SPATA31A1: variants seen among roughly 807,000 people sequenced by gnomAD.
SPATA31A1 encodes spermatogenesis-associated protein 31A1.
For missense variants in SPATA31A1, 579 were observed against 1,476.3 expected (o/e 0.39, Z 9.96); for synonymous variants, 194 against 573.4 (o/e 0.34, Z 9.45).
chr9:39,357,654 A>C, intron 2 of SPATA31A1, 104 bp from the exon 3 acceptor site: 7 of 1,596,118 alleles, frequency 4.4e-6, no homozygotes, highest in Non-Finnish European at 6.0e-6. Context: ...GGTGGGGCCC[A>C]GGGTCTAATT....
In SPATA31A1 at chr9:39,359,221, A is replaced by T. The variant is rs1587773708; in HGVS notation, c.1456A>T (p.Thr486Ser). ...CGAGTGCCAACCCTTTATTTCATCCACACCCCAATTCCGGCCCACACCTAT... is the reference window on the plus strand; with the variant it reads ...CGAGTGCCAACCCTTTATTTCATCCTCACCCCAATTCCGGCCCACACCTAT... ...GPECQPFISS[T>S]PQFRPTPMAQ... Residue 486 changes from threonine to serine, a missense_variant, in exon 4 of 4, where the codon ACA becomes TCA. Coordinates refer to ENST00000377647, the MANE Select transcript of SPATA31A1 (RefSeq NM_001085452.4). The T allele has an allele frequency of 1.2e-6, 2 of 1,611,468 alleles. No individual in the cohort carries two copies. The highest frequency in any genetic ancestry group is 1.7e-6 in the Non-Finnish European group (2 of 1,179,800).
rs1823328686 is a variant in SPATA31A1, at chr9:39,356,442, A to G, written c.189+523A>G. On this transcript the variant is annotated intron_variant, in intron 1 of 3. Transcript: ENST00000377647. ...GTGTTCCTGGAGCAGAGGAACAGGGACTGAAGGTGTCCGTGGTGGACCTCA... is the reference window on the plus strand; with the variant it reads ...GTGTTCCTGGAGCAGAGGAACAGGGGCTGAAGGTGTCCGTGGTGGACCTCA... 7.8e-5 allele frequency among the ~76,000 whole-genome samples: 10 copies of G among 128,270 alleles called. 1 individual carries two copies. In the South Asian group the frequency reaches 2.6e-3, roughly 33 times the overall value. The allele number at this position is 128,270 out of a possible 152,430, so 84.2% of individuals were successfully genotyped here.
rs1201131741 is a variant in SPATA31A1 at position 39,358,648 on chromosome 9, T to C, written c.883T>C (p.Ser295Pro). ...TGCCAGAACCTCGTGCGCCTTTAAC[T>C]CATCAGTCCAGCAAGATCATCTTTC... The part of the protein sequence containing the change: ...ETARTSCAFN[S>P]SVQQDHLSRH... Residue 295 changes from serine to proline, a missense_variant, in exon 4 of 4, where the codon TCA (serine) becomes CCA (proline). Coordinates refer to ENST00000377647, the MANE Select transcript of SPATA31A1 (RefSeq NM_001085452.4). 53 of 1,607,182 alleles carry C rather than the reference T, an allele frequency of 3.3e-5. No individual in the cohort carries two copies. Among genetic ancestry groups the C allele is most frequent in the Non-Finnish European group, 4.3e-5 (51 of 1,179,650 alleles).
In SPATA31A1 at chr9:39,360,998, C is replaced by A. The variant is rs1387323640; in HGVS notation, c.3233C>A (p.Ala1078Asp). The change falls in exon 4 of 4, where the codon GCC becomes GAC. Residue 1078 changes from alanine to aspartate, a missense_variant. Physicochemically the swap from Ala to Asp is moderately radical, Grantham distance 126. Transcript: ENST00000377647. The part of the protein sequence containing the change: ...ASQELHDLMA[A>D]RRSKLVHEEP... ...CAGGAGCTACATGACCTTATGGCAGCCAGAAGGAGCAAACTGGTGCACGAG... is the reference window on the plus strand; with the variant it reads ...CAGGAGCTACATGACCTTATGGCAGACAGAAGGAGCAAACTGGTGCACGAG... 7 of 1,610,440 alleles carry A rather than the reference C, an allele frequency of 4.3e-6. 1 individual carries two copies. The South Asian group carries it at 7.7e-5, about 18-fold the overall frequency.
chr9:39,356,409 G>A (rs1438649686), intron 1 of SPATA31A1, among the ~76,000 whole-genome samples: 5 of 108,642 alleles, frequency 4.6e-5, no homozygotes, highest in African/African-American at 1.9e-4. Context: ...CTGCGGGCCT[G>A]AACTTGGGTG....
At position 39,360,711 on chromosome 9, in the gene SPATA31A1, T is replaced by C; in HGVS notation, c.2946T>C (p.Ala982=). ...GTGAGGATATGCATGGTTTCGAGGC[T>C]CCAGGGACCAGCAAAAGCTCTCTAC... ...ATSEDMHGFE[A]PGTSKSSLHP... is the part of the protein sequence containing the mutation. Residue 982 remains alanine (A), a synonymous_variant, in exon 4 of 4, where the codon GCT becomes GCC. Coordinates refer to ENST00000377647, the MANE Select transcript of SPATA31A1 (RefSeq NM_001085452.4). 1 of 1,612,372 alleles carries C rather than the reference T, an allele frequency of 6.2e-7. No individual in the cohort carries two copies. The highest frequency in any genetic ancestry group is 8.5e-7 in the Non-Finnish European group (1 of 1,179,682).
At position 39,358,487 on chromosome 9, in the gene SPATA31A1, A is replaced by G. The variant is rs1480192996; in HGVS notation, c.722A>G (p.Asp241Gly). 5.7e-6 allele frequency: 9 copies of G among 1,568,192 alleles called. No homozygotes were observed. ...DSTLITPSHC[D>G]SVALPLGTVP... is the part of the protein sequence containing the mutation. ...ACACTGATAACTCCATCTCACTGTG[A>G]CTCAGTGGCACTTCCACTGGGCACC... Residue 241 changes from aspartate to glycine, a missense_variant, in exon 4 of 4, where the codon GAC becomes GGC. Physicochemically the swap from Asp to Gly is moderately conservative, Grantham distance 94. Coordinates refer to ENST00000377647, the MANE Select transcript of SPATA31A1 (RefSeq NM_001085452.4).
Position 39,358,788 on chromosome 9 carries a change from G to A in SPATA31A1, c.1023G>A (p.Trp341Ter). Reference protein sequence around the residue: ...QVTETAKVNIWEEKENVGSFT... With the variant: ...QVTETAKVNI The stretch of plus-strand genomic sequence containing the variant: ...CAGAAACAGCCAAGGTCAACATTTG[G>A]GAAGAAAAAGAAAATGTTGGATCAT... Residue 341 changes from tryptophan (W) to a stop codon, truncating the protein, a stop_gained, in exon 4 of 4, where the codon TGG becomes TGA. Coordinates refer to ENST00000377647, the MANE Select transcript of SPATA31A1 (RefSeq NM_001085452.4). LOFTEE classifies it low-confidence loss of function (END_TRUNC). The A allele has an allele frequency of 6.3e-7, 1 of 1,599,420 alleles. No homozygotes were observed. Among genetic ancestry groups the A allele is most frequent in the South Asian group, 1.1e-5 (1 of 91,012 alleles).
chr9:39,355,936 C>A lies in SPATA31A1; in HGVS notation c.189+17C>A, dbSNP rs1823320802. On this transcript the variant is annotated intron_variant, in intron 1 of 3. Transcript: ENST00000377647. Reference sequence around the variant, plus strand: ...AAGAGAAAGGTAAGGAACCCTCAGTCCCAACCCACAGAGCTTGATTCTCTC... The same window carrying A: ...AAGAGAAAGGTAAGGAACCCTCAGTACCAACCCACAGAGCTTGATTCTCTC... The A allele has an allele frequency of 5.0e-6, 1 of 200,926 alleles. No homozygotes were observed. The highest frequency in any genetic ancestry group is 8.0e-6 in the Non-Finnish European group (1 of 125,038). The allele number at this position is 200,926 out of a possible 1,614,324, so 12.4% of individuals were successfully genotyped here.
At position 39,359,207 on chromosome 9, in the gene SPATA31A1, C is replaced by T; in HGVS notation, c.1442C>T (p.Pro481Leu). ...TCCCATCTGGGGCCCGAGTGCCAAC[C>T]CTTTATTTCATCCACACCCCAATTC... ...PPSHLGPECQ[P>L]FISSTPQFRP... Residue 481 changes from proline (P) to leucine (L), a missense_variant, in exon 4 of 4, where the codon CCC (proline) becomes CTC (leucine). Pro to Leu is a moderately conservative substitution (Grantham distance 98). Transcript: ENST00000377647. 9 of 1,611,766 alleles carry T rather than the reference C, an allele frequency of 5.6e-6. No homozygotes were observed. Among genetic ancestry groups the T allele is most frequent in the South Asian group, 3.3e-5 (3 of 90,972 alleles).
chr9:39,356,538 A>T (rs1256440865), intron 1 of SPATA31A1, among the ~76,000 whole-genome samples: 2 of 131,158 alleles, frequency 1.5e-5, no homozygotes, highest in African/African-American at 2.9e-5. Flanking sequence ...TGTGTGTGTT[A>T]TTTTCATTTT....
chr9:39,360,984 T>A lies in SPATA31A1; in HGVS notation c.3219T>A (p.His1073Gln). The A allele has an allele frequency of 2.5e-6, 4 of 1,610,024 alleles. No homozygotes were observed. The highest frequency in any genetic ancestry group is 3.4e-6 in the Non-Finnish European group (4 of 1,179,566). Reference sequence around the variant, plus strand: ...ACATGCGGGCTTCCCAGGAGCTACATGACCTTATGGCAGCCAGAAGGAGCA... The same window carrying A: ...ACATGCGGGCTTCCCAGGAGCTACAAGACCTTATGGCAGCCAGAAGGAGCA... The part of the protein sequence containing the change: ...AGNMRASQEL[H>Q]DLMAARRSKL... The change falls in exon 4 of 4, where the codon CAT (histidine) becomes CAA (glutamine). Residue 1073 changes from histidine (H) to glutamine (Q), a missense_variant. Coordinates refer to ENST00000377647, the MANE Select transcript of SPATA31A1 (RefSeq NM_001085452.4).
rs1197793299 is a variant in SPATA31A1, at chr9:39,356,595, T to C, written c.190-537T>C. Among the ~76,000 whole-genome samples the C allele has an allele frequency of 1.8e-4, 9 of 50,356 alleles. 1 individual carries two copies. Among genetic ancestry groups the C allele is most frequent in the Admixed American group, 5.0e-4 (2 of 4,002 alleles). The allele number at this position is 50,356 out of a possible 152,430, so 33.0% of individuals were successfully genotyped here. On this transcript the variant is annotated intron_variant, in intron 1 of 3. Transcript: ENST00000377647. ...TTTTATTTTATTTTATTTTATTTTA[T>C]TTTATTTTATTTTTTGAGATGGAGT...
rs1453699021 is a variant in SPATA31A1, at chr9:39,358,842, C to T, written c.1077C>T (p.His359=). 3.1e-6 allele frequency: 5 copies of T among 1,596,198 alleles called. No individual in the cohort carries two copies. Among genetic ancestry groups the T allele is most frequent in the Admixed American group, 1.7e-5 (1 of 59,962 alleles). Residue 359 remains histidine (H), a synonymous_variant, in exon 4 of 4, where the codon CAC becomes CAT. Transcript: ENST00000377647. ...CAGATCGAATGACCCCAGAAAAGCA[C>T]TTAAATTCTTTGCGGAATTTGGCTA... is the stretch of plus-strand genomic sequence containing the variant. ...SFTDRMTPEK[H]LNSLRNLAKS... is the part of the protein sequence containing the mutation.
At position 39,358,541 on chromosome 9, in the gene SPATA31A1, A is replaced by G; in HGVS notation, c.776A>G (p.Asp259Gly). 2 of 1,583,456 alleles carry G rather than the reference A, an allele frequency of 1.3e-6. No homozygotes were observed. Among genetic ancestry groups the G allele is most frequent in the Non-Finnish European group, 1.7e-6 (2 of 1,175,282 alleles). ...CCTCAAAGCTTGTCTCCACATGAGGATTTGGTGGCTTCTGTCCCAGCCATC... is the reference window on the plus strand; with the variant it reads ...CCTCAAAGCTTGTCTCCACATGAGGGTTTGGTGGCTTCTGTCCCAGCCATC... Reference protein sequence around the residue: ...TVPQSLSPHEDLVASVPAISG... With the variant: ...TVPQSLSPHEGLVASVPAISG... Residue 259 changes from aspartate (D) to glycine (G), a missense_variant, in exon 4 of 4, where the codon GAT becomes GGT. Physicochemically the swap from Asp to Gly is moderately conservative, Grantham distance 94. Transcript: ENST00000377647.
At chr9:39,356,417 G>A (rs1222378334) in intron 1 of SPATA31A1, among the ~76,000 whole-genome samples, 2 of 118,572 alleles carry the variant, frequency 1.7e-5, no homozygotes, top group East Asian at 5.5e-4. Context: ...CTGAACTTGG[G>A]TGTTCCTGGA....
chr9:39,357,639 A>C, intron 2 of SPATA31A1, 119 bp from the exon 3 acceptor site: 2 of 1,594,038 alleles, frequency 1.3e-6, no homozygotes, highest in South Asian at 1.1e-5. Context: ...CTTTGGACAC[A>C]GATGGGTGGG....
At position 39,361,219 on chromosome 9, in the gene SPATA31A1, C is replaced by T. The variant is rs1279342318; in HGVS notation, c.3454C>T (p.Pro1152Ser). Residue 1152 changes from proline to serine, a missense_variant, in exon 4 of 4, where the codon CCA (proline) becomes TCA (serine). Coordinates refer to ENST00000377647, the MANE Select transcript of SPATA31A1 (RefSeq NM_001085452.4). Reference sequence around the variant, plus strand: ...TCAGGATGAAGGCGTCCAGCTACTGCCATCAAAGAAACAGCCTCCTTCAGT... The same window carrying T: ...TCAGGATGAAGGCGTCCAGCTACTGTCATCAAAGAAACAGCCTCCTTCAGT... ...THQDEGVQLLPSKKQPPSVSH... is the reference protein window; with the variant it reads ...THQDEGVQLLSSKKQPPSVSH... 5.6e-6 allele frequency: 9 copies of T among 1,611,510 alleles called. No homozygotes were observed. Among genetic ancestry groups the T allele is most frequent in the Non-Finnish European group, 7.6e-6 (9 of 1,179,788 alleles).
chr9:39,357,524 G>A (rs1175859258), intron 2 of SPATA31A1: 247 of 588,046 alleles, frequency 4.2e-4, no homozygotes, highest in African/African-American at 3.8e-3. Flanking sequence ...CTCCCCACAG[G>A]GCAGTTGTGA....
Sources: allele counts gnomAD v4.1 joint callset (sites outside exome capture counted in the v4.1 genomes callset), GRCh38; gene constraint gnomAD v4.1.1; transcripts MANE v1.5; gene names NCBI Gene and HGNC (gene_info 2026-07-23, HGNC 2026-07-21).